BRD10: variants seen among roughly 807,000 people sequenced by gnomAD.
BRD10 encodes uncharacterized bromodomain-containing protein 10.
the BRD10 span, among the ~76,000 whole-genome samples, chr9:5,971,272 G>C: frequency 1.3e-5 from 2 of 152,028 alleles, no homozygotes; most frequent in African/African-American, 4.8e-5. Flanking sequence ...AACAAGTATT[G>C]GTGAAAACGT....
chr9:6,005,376 T>G, the BRD10 span, among the ~76,000 whole-genome samples: 1 of 152,042 alleles, frequency 6.6e-6, no homozygotes, highest in African/African-American at 2.4e-5. Context: ...CCGGGCGCGG[T>G]GACAACTAAC....
chr9:5,951,032 C>CTG, the BRD10 span, among the ~76,000 whole-genome samples: 1 of 124,634 alleles, frequency 8.0e-6, no homozygotes, highest in African/African-American at 3.3e-5. Flanking sequence ...AGAGGGCTGA[C>CTG]TGTACACACA....
the BRD10 span, among the ~76,000 whole-genome samples, chr9:6,002,043 T>A: frequency 1.3e-5 from 2 of 152,346 alleles, no homozygotes; most frequent in African/African-American, 4.8e-5. Context: ...TAAAAACATA[T>A]TTCAGGATGT....
the BRD10 span, among the ~76,000 whole-genome samples, chr9:5,908,134 C>T: frequency 6.6e-6 from 1 of 152,134 alleles, no homozygotes; most frequent in Non-Finnish European, 1.5e-5. Flanking sequence ...GCGAGTTAAC[C>T]TCTCTGTGCC....
At chr9:5,880,662 A>G in the BRD10 span, among the ~76,000 whole-genome samples, 7 of 151,578 alleles carry the variant, frequency 4.6e-5, no homozygotes, top group African/African-American at 1.7e-4. Flanking sequence ...TTCAGTTTCT[A>G]CCTGATCCCT....
the BRD10 span, among the ~76,000 whole-genome samples, chr9:5,972,307 A>G: frequency 6.6e-6 from 1 of 152,224 alleles, no homozygotes; most frequent in Admixed American, 6.5e-5. Context: ...AGAGAAGGAG[A>G]TTATAAAAAA....
the BRD10 span, among the ~76,000 whole-genome samples, chr9:5,939,900 G>A: frequency 6.6e-6 from 1 of 152,140 alleles, no homozygotes; most frequent in African/African-American, 2.4e-5. Context: ...TAGGGAAGGG[G>A]AGCAAAATCA....
chr9:5,965,829 A>G, the BRD10 span, among the ~76,000 whole-genome samples: 1 of 152,226 alleles, frequency 6.6e-6, no homozygotes, highest in African/African-American at 2.4e-5. Flanking sequence ...CGAACTGACT[A>G]TGAAAGGCCA....
chr9:5,980,157 T>C, the BRD10 span, among the ~76,000 whole-genome samples: 1 of 152,208 alleles, frequency 6.6e-6, no homozygotes, highest in African/African-American at 2.4e-5. Flanking sequence ...GTGGTGGTGG[T>C]TGTGATTAGC....
chr9:6,000,028 T>C, the BRD10 span, among the ~76,000 whole-genome samples: 6,250 of 152,214 alleles, frequency 0.041, 331 homozygotes, highest in South Asian at 0.13. Flanking sequence ...TAAAATACAT[T>C]TTTAATATAA....
At chr9:5,914,401 A>G in the BRD10 span, among the ~76,000 whole-genome samples, 1 of 144,866 alleles carries the variant, frequency 6.9e-6, no homozygotes, top group East Asian at 2.0e-4. Flanking sequence ...TGTTTTACAA[A>G]TCCAGATGGT....
the BRD10 span, among the ~76,000 whole-genome samples, chr9:5,940,342 C>T: frequency 5.3e-5 from 8 of 151,960 alleles, no homozygotes; most frequent in African/African-American, 1.9e-4. Context: ...TACAGGCACG[C>T]GCCACTACAG....
chr9:5,983,655 G>A, the BRD10 span, among the ~76,000 whole-genome samples: 135,762 of 152,090 alleles, frequency 0.89, 61,508 homozygotes, highest in Non-Finnish European at 0.99. Context: ...AATATGAGCA[G>A]CCTTGAAAAG....
chr9:5,907,967 T>A, the BRD10 span, among the ~76,000 whole-genome samples: 101 of 152,090 alleles, frequency 6.6e-4, no homozygotes, highest in African/African-American at 2.4e-3. Flanking sequence ...AATAAATAAA[T>A]AAAATAAAAT....
At chr9:5,934,071 C>T in the BRD10 span, among the ~76,000 whole-genome samples, 3 of 150,116 alleles carry the variant, frequency 2.0e-5, no homozygotes, top group African/African-American at 5.0e-5. Flanking sequence ...AAACAGGTAT[C>T]GGCAGTCATA....
At chr9:5,924,796 C>T in the BRD10 span, 1 of 1,566,678 alleles carries the variant, frequency 6.4e-7, no homozygotes, top group Admixed American at 1.8e-5. Context: ...TTAAATGTAT[C>T]ATGATCAGGT....
chr9:5,902,158 A>C, the BRD10 span, among the ~76,000 whole-genome samples: 3 of 152,172 alleles, frequency 2.0e-5, no homozygotes. Context: ...TGTTTTGGAA[A>C]GTTATTATTG....
the BRD10 span, among the ~76,000 whole-genome samples, chr9:5,951,035 TACACACACACACACACACACAC>T: frequency 2.8e-5 from 4 of 141,662 alleles, no homozygotes; most frequent in African/African-American, 1.1e-4. Flanking sequence ...GGGCTGACTG[TACACACACACACACACACACAC>T]ACACACACAC....
At chr9:5,959,224 C>T in the BRD10 span, among the ~76,000 whole-genome samples, 5 of 152,186 alleles carry the variant, frequency 3.3e-5, no homozygotes, top group African/African-American at 9.6e-5. Flanking sequence ...AGAATTGTCT[C>T]GTTATAGTTA....
Sources: gnomAD v4.1 joint callset for allele counts (sites outside exome capture counted in the v4.1 genomes callset) on GRCh38, gnomAD v4.1.1 for gene constraint, MANE v1.5 for transcripts, NCBI Gene and HGNC (gene_info 2026-07-23, HGNC 2026-07-21) for gene names.